Variants in CEP57L1 observed in about 807,000 individuals in gnomAD.
CEP57L1 encodes centrosomal protein CEP57L1.
A neutral mutation model predicts 61.0 loss-of-function variants in CEP57L1; 37 were observed. The ratio of observed to expected loss-of-function variants is 0.61; its 90% CI spans 0.47 to 0.80. CEP57L1 has a LOEUF of 0.80. CEP57L1 is among the 30% of genes least tolerant of loss of function. The pLI is 0.00. For missense variants in CEP57L1, 422 were observed against 524.7 expected (o/e 0.80, Z 1.91); for synonymous variants, 137 against 162.3 (o/e 0.84, Z 1.19).
intron 1 of CEP57L1, among the ~76,000 whole-genome samples, chr6:109,126,036 A>G (rs903755145): frequency 2.6e-5 from 4 of 152,306 alleles, no homozygotes; most frequent in Admixed American, 2.6e-4. Flanking sequence ...AACCATAACA[A>G]ACATTAGCAT....
intron 1 of CEP57L1, among the ~76,000 whole-genome samples, chr6:109,125,705 C>CTGAT (rs138233619): frequency 0.014 from 2,053 of 150,616 alleles, 65 homozygotes; most frequent in African/African-American, 0.048. Flanking sequence ...CCTGTCTTGA[C>CTGAT]TGATTGATTG....
At chr6:109,157,879 A>T (rs1382946415) in intron 7 of CEP57L1, 1 of 152,162 alleles carries the variant, frequency 6.6e-6, no homozygotes, top group African/African-American at 2.4e-5. Context: ...AGAGAATCAT[A>T]TGTGTAGATT....
In CEP57L1 at chr6:109,159,251, A is replaced by G. The variant is rs376132590; in HGVS notation, c.823-18A>G. The G allele has an allele frequency of 4.3e-6, 7 of 1,614,124 alleles. No individual in the cohort carries two copies. The Middle Eastern group carries it at 8.2e-4, about 190-fold the overall frequency. On this transcript the variant is annotated intron_variant, in intron 8 of 10. Transcript: ENST00000517392. Reference sequence around the variant, plus strand: ...TGCAAGCTGTTCTGTGAATGCAAGTATGCAAAACTTTTTGCAGATGAGGCA... The same window carrying G: ...TGCAAGCTGTTCTGTGAATGCAAGTGTGCAAAACTTTTTGCAGATGAGGCA...
At chr6:109,148,261 C>T (rs1435287031) in intron 3 of CEP57L1, among the ~76,000 whole-genome samples, 1 of 152,016 alleles carries the variant, frequency 6.6e-6, no homozygotes, top group Non-Finnish European at 1.5e-5. Flanking sequence ...AATGCTATCC[C>T]TCCCCTCTCC....
intron 2 of CEP57L1, 21 bp downstream of exon 2, chr6:109,145,402 G>A (rs1771857040): frequency 6.7e-7 from 1 of 1,486,454 alleles, no homozygotes; most frequent in Non-Finnish European, 9.0e-7. Context: ...TATAAAATTT[G>A]AAGAATGGTA....
chr6:109,120,912 G>GCATA (rs1772883843), intron 1 of CEP57L1, among the ~76,000 whole-genome samples: 1 of 133,482 alleles, frequency 7.5e-6, no homozygotes, highest in African/African-American at 2.9e-5. Flanking sequence ...TTAGACACAC[G>GCATA]CACACACACA....
At chr6:109,117,003 A>C (rs1172164887) in intron 1 of CEP57L1, among the ~76,000 whole-genome samples, 1 of 152,244 alleles carries the variant, frequency 6.6e-6, no homozygotes, top group Non-Finnish European at 1.5e-5. Flanking sequence ...TAAAAGACTG[A>C]TTTAATATAT....
At chr6:109,160,048 T>C (rs1328625906) in intron 9 of CEP57L1, among the ~76,000 whole-genome samples, 1 of 152,200 alleles carries the variant, frequency 6.6e-6, no homozygotes, top group Non-Finnish European at 1.5e-5. Flanking sequence ...ATGGGATACA[T>C]TATATTGTGC....
Position 109,166,082 on chromosome 6 carries a change from G to A in CEP57L1, c.*3112G>A, listed in dbSNP as rs1202979720. Among the ~76,000 whole-genome samples the A allele has an allele frequency of 6.6e-6, 1 of 152,180 alleles. No individual in the cohort carries two copies. The highest frequency in any genetic ancestry group is 2.4e-5 in the African/African-American group (1 of 41,442). On this transcript the variant is annotated 3_prime_UTR_variant, in exon 11 of 11. Coordinates refer to ENST00000517392, the MANE Select transcript of CEP57L1 (RefSeq NM_001271852.3). ...ATTCTGATACTGGAAATGGGAGTTG[G>A]AATCCTGAATTAACTGTACTTGGGT...
rs530036160 is a variant in CEP57L1 at position 109,136,905 on chromosome 6, G to T, written c.-3-8314G>T. 3.9e-5 allele frequency among the ~76,000 whole-genome samples: 6 copies of T among 152,044 alleles called. No individual in the cohort carries two copies. The South Asian group carries it at 8.3e-4, about 21-fold the overall frequency. ...TGAGTAGCTGGGATTACAGATGTGCGCCACTGCGCCCTACAATGTATTTTT... is the reference window on the plus strand; with the variant it reads ...TGAGTAGCTGGGATTACAGATGTGCTCCACTGCGCCCTACAATGTATTTTT... On this transcript the variant is annotated intron_variant, in intron 1 of 10. Coordinates refer to ENST00000517392, the MANE Select transcript of CEP57L1 (RefSeq NM_001271852.3).
chr6:109,134,758 A>T lies in CEP57L1; in HGVS notation c.-3-10461A>T, dbSNP rs541907626. 6.5e-3 allele frequency among the ~76,000 whole-genome samples: 994 copies of T among 152,238 alleles called. 14 individuals are homozygous for T. Among genetic ancestry groups the T allele is most frequent in the African/African-American group, 0.023 (945 of 41,536 alleles). On this transcript the variant is annotated intron_variant, in intron 1 of 10. Transcript: ENST00000517392. ...ATGTGCAAAAATCACAAGCATTCTT[A>T]TACACCAATAACAGACAAACAGAGA...
intron 1 of CEP57L1, among the ~76,000 whole-genome samples, chr6:109,112,154 G>A (rs1291273976): frequency 1.3e-5 from 2 of 152,068 alleles, no homozygotes; most frequent in African/African-American, 2.4e-5. Flanking sequence ...CTCTGGTCCT[G>A]GGCTTTTTTT....
At chr6:109,158,939 T>C in intron 7 of CEP57L1, 86 bp from the exon 8 acceptor site, 1 of 1,365,236 alleles carries the variant, frequency 7.3e-7, no homozygotes, top group Non-Finnish European at 1.0e-6. Context: ...GTTGCATTGT[T>C]TTCTGTTGAG....
intron 2 of CEP57L1, 129 bp downstream of exon 2, chr6:109,145,510 A>C (rs1203064022): frequency 1.6e-6 from 1 of 626,104 alleles, no homozygotes; most frequent in Non-Finnish European, 2.6e-6. Flanking sequence ...TGTTGCTAAA[A>C]GTTTCTATGA....
At chr6:109,151,122 AAG>A (rs1328128146) in intron 4 of CEP57L1, among the ~76,000 whole-genome samples, 18 of 152,220 alleles carry the variant, frequency 1.2e-4, no homozygotes, top group African/African-American at 4.1e-4. Context: ...ATATGTTAGG[AAG>A]AAGTAAAGTA....
chr6:109,108,526 A>G (rs1771203319), intron 1 of CEP57L1, among the ~76,000 whole-genome samples: 1 of 151,724 alleles, frequency 6.6e-6, no homozygotes, highest in African/African-American at 2.4e-5. Flanking sequence ...CATTTTTCTT[A>G]TTTTGTTTGA....
chr6:109,095,566 C>G lies in CEP57L1; in HGVS notation c.-13C>G. The G allele has an allele frequency of 1.0e-6, 1 of 985,860 alleles. No homozygotes were observed. The highest frequency in any genetic ancestry group is 4.7e-5 in the South Asian group (1 of 21,288). 61.1% of individuals were successfully genotyped at this position (985,860 alleles called of 1,614,324 possible). ...AGCGGTGGCAGGGGCTGACTGAGAG[C>G]GTCTGCTTGGTAAGCACTGTAAGCT... On this transcript the variant is annotated 5_prime_UTR_variant, in exon 1 of 11. Transcript: ENST00000517392.
intron 7 of CEP57L1, chr6:109,156,472 A>G (rs919849791): frequency 6.6e-6 from 1 of 152,108 alleles, no homozygotes; most frequent in East Asian, 1.9e-4. Flanking sequence ...TACTTTATAG[A>G]CCAATATTTT....
Position 109,153,829 on chromosome 6 carries a change from C to A in CEP57L1, c.463-4C>A. The A allele has an allele frequency of 6.3e-7, 1 of 1,592,444 alleles. No homozygotes were observed. Among genetic ancestry groups the A allele is most frequent in the African/African-American group, 1.3e-5 (1 of 74,362 alleles). ...GGTTGCTATTTTATTTTTATCCTTTCTAGGCCCAGCTTCAGAGGGAAAAAG... is the reference window on the plus strand; with the variant it reads ...GGTTGCTATTTTATTTTTATCCTTTATAGGCCCAGCTTCAGAGGGAAAAAG... On this transcript the variant is annotated splice_region_variant and splice_polypyrimidine_tract_variant and intron_variant, in intron 4 of 10. Coordinates refer to ENST00000517392, the MANE Select transcript of CEP57L1 (RefSeq NM_001271852.3).
Sources: gnomAD v4.1 joint callset for allele counts (sites outside exome capture counted in the v4.1 genomes callset) on GRCh38, gnomAD v4.1.1 for gene constraint, MANE v1.5 for transcripts, NCBI Gene and HGNC (gene_info 2026-07-23, HGNC 2026-07-21) for gene names.